INPP5A: variants seen among roughly 807,000 people sequenced by gnomAD.
INPP5A encodes inositol polyphosphate-5-phosphatase A.
INPP5A carries 14 observed loss-of-function variants against 65.2 expected under a neutral mutation model. The observed-to-expected ratio is 0.21, with a 90% CI of 0.14 to 0.34. The LOEUF is 0.34. Ranked by LOEUF, INPP5A falls within the 10% of genes least tolerant of loss-of-function variation. INPP5A has a pLI of 1.00. For missense variants in INPP5A, 431 were observed against 545.6 expected (o/e 0.79, Z 2.09); for synonymous variants, 207 against 208.3 (o/e 0.99, Z 0.05).
At chr10:132,712,370 C>T (rs900352988) in intron 8 of INPP5A, among the ~76,000 whole-genome samples, 3 of 151,588 alleles carry the variant, frequency 2.0e-5, no homozygotes, top group African/African-American at 4.9e-5. Context: ...TTCGTGTGTG[C>T]ATGTGTGTGG....
Position 132,780,868 on chromosome 10 carries a change from T to C in INPP5A, c.1109T>C (p.Val370Ala), listed in dbSNP as rs1437966186. The C allele has an allele frequency of 1.2e-6, 2 of 1,613,286 alleles. No homozygotes were observed. The highest frequency in any genetic ancestry group is 1.7e-5 in the Admixed American group (1 of 60,012). ...LVLRSESEEK[V>A]VTYDHIGPNV... is the part of the protein sequence containing the mutation. ...TTCCAGTCGGAGAGCGAGGAGAAGG[T>C]TGTCACCTATGACCACATTGGGCCC... Residue 370 changes from valine (V) to alanine (A), a missense_variant, in exon 14 of 16, where the codon GTT (valine) becomes GCT (alanine). Transcript: ENST00000368594.
intron 2 of INPP5A, among the ~76,000 whole-genome samples, chr10:132,642,839 G>T (rs2072444027): frequency 6.6e-6 from 1 of 152,236 alleles, no homozygotes; most frequent in Non-Finnish European, 1.5e-5. Flanking sequence ...AAGCGCAGTG[G>T]TAATTTTACA....
intron 4 of INPP5A, among the ~76,000 whole-genome samples, chr10:132,657,595 G>T (rs990673191): frequency 1.6e-5 from 2 of 128,228 alleles, no homozygotes; most frequent in Admixed American, 1.5e-4. Flanking sequence ...GCCCAGGAAT[G>T]AGAGGCCCGC....
Position 132,555,311 on chromosome 10 carries a change from G to A in INPP5A, c.75+17140G>A, listed in dbSNP as rs1043338889. 6.6e-6 allele frequency among the ~76,000 whole-genome samples: 1 copy of A among 152,084 alleles called. No individual in the cohort carries two copies. The highest frequency in any genetic ancestry group is 1.5e-5 in the Non-Finnish European group (1 of 68,014). The stretch of plus-strand genomic sequence containing the variant: ...TCTGTGAGACCAGTGAGAAGATGTC[G>A]TAGGAGAGGCTGTTGTCCCCTGAGT... On this transcript the variant is annotated intron_variant, in intron 1 of 15. Transcript: ENST00000368594. This position sits in a 1 kb window ranked among gnomAD's most constrained non-coding sequence, Gnocchi z 4.4.
intron 1 of INPP5A, among the ~76,000 whole-genome samples, chr10:132,542,943 C>A (rs1169518465): frequency 1.3e-5 from 2 of 152,186 alleles, no homozygotes; most frequent in Non-Finnish European, 2.9e-5. Context: ...GCTGGGACCA[C>A]AGGTGCACGC....
At chr10:132,734,177 C>G (rs911209700) in intron 9 of INPP5A, among the ~76,000 whole-genome samples, 2 of 152,204 alleles carry the variant, frequency 1.3e-5, no homozygotes, top group African/African-American at 2.4e-5. Context: ...ACCTGAGATG[C>G]CAGCTATGCT....
At chr10:132,561,561 G>A (rs1378939444) in intron 1 of INPP5A, among the ~76,000 whole-genome samples, 1 of 152,030 alleles carries the variant, frequency 6.6e-6, no homozygotes, top group Non-Finnish European at 1.5e-5. Flanking sequence ...CTATGTGTCT[G>A]TCCTTATGCC....
intron 1 of INPP5A, among the ~76,000 whole-genome samples, chr10:132,571,642 G>A (rs140868682): frequency 2.1e-4 from 32 of 152,368 alleles, no homozygotes; most frequent in Non-Finnish European, 4.1e-4. Context: ...CAGCCCTGAC[G>A]TTTGTGCCGT....
Position 132,538,267 on chromosome 10 carries a change from C to A in INPP5A, c.75+96C>A. On this transcript the variant is annotated intron_variant, in intron 1 of 15. Coordinates refer to ENST00000368594, the MANE Select transcript of INPP5A (RefSeq NM_005539.5). This position sits in a 1 kb window ranked among gnomAD's most constrained non-coding sequence, Gnocchi z 4.1. The stretch of plus-strand genomic sequence containing the variant: ...CAAGCCTTGGACCCTGGACCGTGAA[C>A]CTCCAGACCCAGAGGCCCCAGACTC... 1.6e-6 allele frequency: 1 copy of A among 640,874 alleles called. No individual in the cohort carries two copies. The highest frequency in any genetic ancestry group is 2.1e-6 in the Non-Finnish European group (1 of 468,468). The allele number at this position is 640,874 out of a possible 1,614,324, so 39.7% of individuals were successfully genotyped here.
intron 2 of INPP5A, among the ~76,000 whole-genome samples, chr10:132,641,839 A>G (rs1364724201): frequency 2.0e-5 from 3 of 152,240 alleles, no homozygotes; most frequent in African/African-American, 4.8e-5. Context: ...ACCCATCTCC[A>G]TAACCTGTTG....
At chr10:132,566,460 G>A (rs1250147074) in intron 1 of INPP5A, among the ~76,000 whole-genome samples, 1 of 152,184 alleles carries the variant, frequency 6.6e-6, no homozygotes, top group Non-Finnish European at 1.5e-5. Context: ...TCTTGCTGTT[G>A]CTTGTGAGTG....
At chr10:132,777,166 G>A (rs527621660) in intron 12 of INPP5A, among the ~76,000 whole-genome samples, 91 of 152,330 alleles carry the variant, frequency 6.0e-4, no homozygotes, top group African/African-American at 1.9e-3. Flanking sequence ...GCAGTGACCC[G>A]GGGCCACAGC....
intron 9 of INPP5A, among the ~76,000 whole-genome samples, chr10:132,739,368 C>A (rs1042483101): frequency 2.0e-5 from 3 of 152,256 alleles, no homozygotes; most frequent in African/African-American, 7.2e-5. Context: ...AGCTCAGGCC[C>A]AGCCCCTGGA....
At chr10:132,751,183 A>G (rs1372558656) in intron 11 of INPP5A, among the ~76,000 whole-genome samples, 1 of 152,062 alleles carries the variant, frequency 6.6e-6, no homozygotes, top group Non-Finnish European at 1.5e-5. Context: ...CCTGCCCCTC[A>G]TCAACCCAGA....
chr10:132,559,372 A>G (rs1437277398), intron 1 of INPP5A, among the ~76,000 whole-genome samples: 1 of 152,220 alleles, frequency 6.6e-6, no homozygotes, highest in Non-Finnish European at 1.5e-5. Context: ...TTAGGACAAA[A>G]TTCAGGCACC....
chr10:132,598,893 C>G (rs2071743327), intron 1 of INPP5A, among the ~76,000 whole-genome samples: 1 of 152,188 alleles, frequency 6.6e-6, no homozygotes, highest in Admixed American at 6.5e-5. Flanking sequence ...GCGGAAACCT[C>G]TGATAAGCCC....
At chr10:132,708,941 C>G (rs544322869) in intron 7 of INPP5A, among the ~76,000 whole-genome samples, 1 of 152,320 alleles carries the variant, frequency 6.6e-6, no homozygotes, top group Non-Finnish European at 1.5e-5. Flanking sequence ...GCCATCACAT[C>G]TCATTTGAAT....
chr10:132,607,353 G>A (rs1003200087), intron 1 of INPP5A, among the ~76,000 whole-genome samples: 3 of 152,236 alleles, frequency 2.0e-5, no homozygotes, highest in Non-Finnish European at 4.4e-5. Flanking sequence ...GTTTTCTGTT[G>A]ATGGCTCTAG....
rs1311910947 is a variant in INPP5A, at chr10:132,710,301, C to T, written c.528-36C>T. 3.1e-6 allele frequency: 5 copies of T among 1,608,360 alleles called. No homozygotes were observed. In the African/African-American group the frequency reaches 5.3e-5, roughly 17 times the overall value. ...ACGAAGTGTGACCCGGAGGCTCCGG[C>T]CCTTGGTGACGTGTCCTTTTCTCTT... On this transcript the variant is annotated intron_variant, in intron 7 of 15. Transcript: ENST00000368594.
Sources: allele counts gnomAD v4.1 joint callset (sites outside exome capture counted in the v4.1 genomes callset), GRCh38; gene constraint gnomAD v4.1.1; non-coding constraint Gnocchi (gnomAD v3.1); transcripts MANE v1.5; gene names NCBI Gene and HGNC (gene_info 2026-07-23, HGNC 2026-07-21).